Variants in KIAA0825 observed in about 807,000 individuals in gnomAD.
The protein encoded by KIAA0825 is KIAA0825, also known as uncharacterized protein KIAA0825.
KIAA0825 carries 119 observed loss-of-function variants against 147.6 expected under a neutral mutation model. The observed-to-expected ratio is 0.81, with a 90% confidence interval of 0.69 to 0.94. The LOEUF is 0.94. KIAA0825 is among the 40% of genes least tolerant of loss of function. KIAA0825 has a pLI of 0.00. For missense variants in KIAA0825, 1,381 were observed against 1,472.7 expected, an observed-to-expected ratio of 0.94 and a Z score of 1.02; for synonymous variants, 470 against 518.1, an observed-to-expected ratio of 0.91 and a Z score of 1.26.
intron 5 of KIAA0825, among the ~76,000 whole-genome samples, chr5:94,486,913 C>A (rs1053818352): frequency 6.6e-6 from 1 of 152,092 alleles, no homozygotes; most frequent in Admixed American, 6.5e-5. Flanking sequence ...CCTCCTAATT[C>A]TTTACTAGGA....
intron 13 of KIAA0825, among the ~76,000 whole-genome samples, chr5:94,445,008 C>T (rs1757555340): frequency 6.6e-6 from 1 of 152,122 alleles, no homozygotes; most frequent in African/African-American, 2.4e-5. Context: ...GAAAGCAAGG[C>T]ACATCTTACA....
chr5:94,433,083 G>C (rs1317508770), intron 14 of KIAA0825, among the ~76,000 whole-genome samples: 1 of 152,056 alleles, frequency 6.6e-6, no homozygotes, highest in Admixed American at 6.6e-5. Context: ...GCCCAGGCTG[G>C]AGTGCAGTGG....
At chr5:94,318,890 T>C (rs889746521) in intron 20 of KIAA0825, among the ~76,000 whole-genome samples, 9 of 151,780 alleles carry the variant, frequency 5.9e-5, no homozygotes, top group Non-Finnish European at 1.0e-4. Flanking sequence ...TGAAGACGGA[T>C]TTTTTTCTTC....
At chr5:94,190,864 T>A (rs1770620893) in intron 20 of KIAA0825, among the ~76,000 whole-genome samples, 1 of 152,096 alleles carries the variant, frequency 6.6e-6, no homozygotes, top group African/African-American at 2.4e-5. Context: ...AAAACATGTG[T>A]CTTAATATTA....
intron 20 of KIAA0825, among the ~76,000 whole-genome samples, chr5:94,287,349 T>A (rs1777706502): frequency 6.6e-6 from 1 of 152,194 alleles, no homozygotes; most frequent in East Asian, 1.9e-4. Context: ...AGCACTTTAC[T>A]AAATGCTTAA....
At chr5:94,584,374 C>T (rs1047963891) in intron 1 of KIAA0825, among the ~76,000 whole-genome samples, 9 of 152,058 alleles carry the variant, frequency 5.9e-5, no homozygotes, top group Non-Finnish European at 1.3e-4. Context: ...AACCACAGTA[C>T]GAGAACTTCG....
At chr5:94,258,595 T>C (rs1776352160) in intron 20 of KIAA0825, among the ~76,000 whole-genome samples, 1 of 151,982 alleles carries the variant, frequency 6.6e-6, no homozygotes, top group Non-Finnish European at 1.5e-5. Context: ...TAACTATAAA[T>C]ATAGAAGTAA....
chr5:94,322,869 T>C (rs886412825), intron 20 of KIAA0825, among the ~76,000 whole-genome samples: 3 of 151,934 alleles, frequency 2.0e-5, no homozygotes, highest in African/African-American at 7.2e-5. Flanking sequence ...TTATTGATAA[T>C]CATAGATTGA....
chr5:94,414,221 G>T (rs1052566219), intron 15 of KIAA0825: 2 of 152,202 alleles, frequency 1.3e-5, no homozygotes, highest in African/African-American at 4.8e-5. Context: ...CATTATCGAG[G>T]AGCCAAGTAA....
intron 1 of KIAA0825, among the ~76,000 whole-genome samples, chr5:94,585,878 T>C (rs552016565): frequency 2.0e-5 from 3 of 152,130 alleles, no homozygotes; most frequent in Non-Finnish European, 4.4e-5. Context: ...AATTCAGGAT[T>C]AAGAAACTCA....
chr5:94,213,315 T>G (rs1040368012), intron 20 of KIAA0825, among the ~76,000 whole-genome samples: 1 of 152,130 alleles, frequency 6.6e-6, no homozygotes, highest in African/African-American at 2.4e-5. Context: ...ATAATAAATA[T>G]CTCTTGAATG....
Position 94,473,400 on chromosome 5 carries a change from A to C in KIAA0825, c.1347T>G (p.Asn449Lys). 1.9e-6 allele frequency: 3 copies of C among 1,552,064 alleles called. No homozygotes were observed. Among genetic ancestry groups the C allele is most frequent in the Non-Finnish European group, 2.6e-6 (3 of 1,147,064 alleles). ...CATAGCTCACAGCTGAAGACCTTTCATTCTGTTCCTGTTGGAGAATTTTTG... is the reference window on the plus strand; with the variant it reads ...CATAGCTCACAGCTGAAGACCTTTCCTTCTGTTCCTGTTGGAGAATTTTTG... ...FSTKILQQEQ[N>K]ERSSAVSYAM... is the part of the protein sequence containing the mutation. Residue 449 changes from asparagine (N) to lysine (K), a missense_variant, in exon 8 of 21, where the codon AAT (asparagine) becomes AAG (lysine). Asn to Lys is a moderately conservative substitution (Grantham distance 94). Transcript: ENST00000682413.
chr5:94,362,425 C>A (rs537065466), intron 20 of KIAA0825, among the ~76,000 whole-genome samples: 1 of 152,196 alleles, frequency 6.6e-6, no homozygotes, highest in Admixed American at 6.5e-5. Context: ...GAAACCATCA[C>A]TCTAGCCAAT....
intron 20 of KIAA0825, among the ~76,000 whole-genome samples, chr5:94,264,655 A>G (rs1295464512): frequency 6.6e-6 from 1 of 152,180 alleles, no homozygotes; most frequent in African/African-American, 2.4e-5. Flanking sequence ...TCCCAACTGT[A>G]TAAAAATCTA....
intron 5 of KIAA0825, among the ~76,000 whole-genome samples, chr5:94,508,961 G>T (rs1391177908): frequency 1.3e-5 from 2 of 152,178 alleles, no homozygotes; most frequent in African/African-American, 2.4e-5. Flanking sequence ...TTTACCTCCT[G>T]ATTTAATTTT....
At chr5:94,542,889 C>T (rs572405728) in intron 2 of KIAA0825, among the ~76,000 whole-genome samples, 17 of 152,156 alleles carry the variant, frequency 1.1e-4, no homozygotes, top group Admixed American at 2.6e-4. Context: ...TGGTATTTTA[C>T]CAAGGCTTTG....
chr5:94,458,756 A>ATTT, intron 12 of KIAA0825, among the ~76,000 whole-genome samples: 1 of 152,088 alleles, frequency 6.6e-6, no homozygotes, highest in African/African-American at 2.4e-5. Context: ...TTTTTTTAAA[A>ATTT]AAAAAAAATC....
intron 20 of KIAA0825, among the ~76,000 whole-genome samples, chr5:94,338,560 T>C (rs907008303): frequency 6.6e-6 from 1 of 152,176 alleles, no homozygotes; most frequent in African/African-American, 2.4e-5. Flanking sequence ...TTTACTGTAC[T>C]TTTTCTATTA....
chr5:94,434,231 A>G (rs1478460100), intron 14 of KIAA0825, among the ~76,000 whole-genome samples: 1 of 152,258 alleles, frequency 6.6e-6, no homozygotes, highest in African/African-American at 2.4e-5. Flanking sequence ...TTAGCAATGT[A>G]ATCATTCCTT....
Sources: gnomAD v4.1 joint callset for allele counts (sites outside exome capture counted in the v4.1 genomes callset) on GRCh38, gnomAD v4.1.1 for gene constraint, MANE v1.5 for transcripts, NCBI Gene and HGNC (gene_info 2026-07-23, HGNC 2026-07-21) for gene names.